The following CTNND2 variants were observed in gnomAD, a reference collection of about 807,000 sequenced individuals.
CTNND2 encodes the protein catenin delta-2.
In CTNND2, 22 loss-of-function variants were observed where a neutral mutation model predicts 144.4. The ratio of observed to expected loss-of-function variants is 0.15; its 90% CI spans 0.11 to 0.22. CTNND2 has a LOEUF of 0.22. Ranked by LOEUF, CTNND2 falls within the 10% of genes least tolerant of loss-of-function variation. CTNND2 has a pLI of 1.00. For synonymous variants in CTNND2, 751 were observed against 695.6 expected, an observed-to-expected ratio of 1.08 and a Z score of -1.25; for missense variants, 1,353 against 1,618.8, an observed-to-expected ratio of 0.84 and a Z score of 2.82.
intron 1 of CTNND2, among the ~76,000 whole-genome samples, chr5:11,771,958 T>C (rs10053350): frequency 0.095 from 14,510 of 152,170 alleles, 1,865 homozygotes; most frequent in African/African-American, 0.29. Flanking sequence ...TGTTAGGTAC[T>C]AGGATTTTCT....
intron 2 of CTNND2, among the ~76,000 whole-genome samples, chr5:11,660,501 C>G (rs1181467152): frequency 6.6e-6 from 1 of 152,044 alleles, no homozygotes; most frequent in Non-Finnish European, 1.5e-5. Context: ...CAGTAGATGC[C>G]TAAAAATACG....
intron 3 of CTNND2, among the ~76,000 whole-genome samples, chr5:11,525,346 T>C (rs1275677352): frequency 2.0e-5 from 3 of 152,324 alleles, no homozygotes; most frequent in African/African-American, 7.2e-5. Flanking sequence ...TTCAACTTCC[T>C]GGCTGCACAA....
At chr5:11,745,511 G>T (rs1788262308) in intron 1 of CTNND2, among the ~76,000 whole-genome samples, 1 of 152,100 alleles carries the variant, frequency 6.6e-6, no homozygotes, top group Admixed American at 6.5e-5. Flanking sequence ...CCCAAGATTG[G>T]ATGTGCAAGT....
At chr5:11,233,305 T>G (rs1284801253) in intron 10 of CTNND2, among the ~76,000 whole-genome samples, 1 of 152,132 alleles carries the variant, frequency 6.6e-6, no homozygotes, top group African/African-American at 2.4e-5. Context: ...GAAAAAAAAT[T>G]GATGTTCTTG....
chr5:11,526,746 C>T (rs1294059766), intron 3 of CTNND2, among the ~76,000 whole-genome samples: 2 of 152,200 alleles, frequency 1.3e-5, no homozygotes, highest in Admixed American at 1.3e-4. Flanking sequence ...AGCCATTCCA[C>T]TCCTAGGTAC....
intron 1 of CTNND2, among the ~76,000 whole-genome samples, chr5:11,901,610 T>C (rs1737891634): frequency 6.6e-6 from 1 of 152,170 alleles, no homozygotes; most frequent in Non-Finnish European, 1.5e-5. Flanking sequence ...GTTATACAAC[T>C]ACACAAACGT....
intron 9 of CTNND2, among the ~76,000 whole-genome samples, chr5:11,250,128 G>A (rs1329083126): frequency 6.6e-6 from 1 of 152,068 alleles, no homozygotes; most frequent in African/African-American, 2.4e-5. Flanking sequence ...TATAAAATGT[G>A]GAGAATATTT....
At chr5:11,554,518 A>G (rs1317998842) in intron 3 of CTNND2, among the ~76,000 whole-genome samples, 1 of 7,950 alleles carries the variant, frequency 1.3e-4, no homozygotes, top group African/African-American at 5.2e-4. Context: ...TTTTCTCTAT[A>G]TCTCAATGTT....
intron 18 of CTNND2, among the ~76,000 whole-genome samples, chr5:10,995,447 C>T (rs1367678130): frequency 1.3e-5 from 2 of 152,152 alleles, no homozygotes; most frequent in African/African-American, 2.4e-5. Flanking sequence ...AGGAAGTCCT[C>T]GTGACGGGGA....
intron 3 of CTNND2, among the ~76,000 whole-genome samples, chr5:11,475,458 T>C (rs1248897087): frequency 1.3e-5 from 2 of 152,212 alleles, no homozygotes; most frequent in Non-Finnish European, 2.9e-5. Context: ...ATGTACCTAA[T>C]TTGAGTGTGC....
intron 1 of CTNND2, among the ~76,000 whole-genome samples, chr5:11,812,184 T>C (rs1792370697): frequency 6.6e-6 from 1 of 152,190 alleles, no homozygotes; most frequent in Non-Finnish European, 1.5e-5. Flanking sequence ...ACAGATGTCC[T>C]GTTGTGCGGG....
At chr5:11,220,363 C>T (rs1306929113) in intron 10 of CTNND2, among the ~76,000 whole-genome samples, 1 of 151,990 alleles carries the variant, frequency 6.6e-6, no homozygotes, top group South Asian at 2.1e-4. Flanking sequence ...GAAGGGAGTG[C>T]CAGGCAGTCG....
chr5:11,215,136 C>G (rs1669597789), intron 10 of CTNND2, among the ~76,000 whole-genome samples: 1 of 152,178 alleles, frequency 6.6e-6, no homozygotes, highest in African/African-American at 2.4e-5. Flanking sequence ...CTTTGAACTT[C>G]TGCAATATGT....
intron 2 of CTNND2, among the ~76,000 whole-genome samples, chr5:11,576,148 A>AGTTTT (rs925058716): frequency 5.3e-5 from 8 of 152,102 alleles, no homozygotes; most frequent in African/African-American, 1.7e-4. Flanking sequence ...ATACCACTCC[A>AGTTTT]GTTTTGGCCA....
At chr5:11,163,010 A>AT (rs1316837727) in intron 11 of CTNND2, among the ~76,000 whole-genome samples, 2 of 152,002 alleles carry the variant, frequency 1.3e-5, no homozygotes, top group Non-Finnish European at 2.9e-5. Flanking sequence ...TGGAAAATAA[A>AT]TTTTTTCCTC....
At chr5:11,264,410 A>T (rs1248645589) in intron 9 of CTNND2, among the ~76,000 whole-genome samples, 1 of 152,212 alleles carries the variant, frequency 6.6e-6, no homozygotes, top group Non-Finnish European at 1.5e-5. Flanking sequence ...GGCCCATGGG[A>T]TACAGTTTGC....
At chr5:11,599,578 T>C (rs1581588324) in intron 2 of CTNND2, among the ~76,000 whole-genome samples, 2 of 152,262 alleles carry the variant, frequency 1.3e-5, no homozygotes, top group African/African-American at 4.8e-5. Flanking sequence ...GGCAAAGGAT[T>C]TGGGTTTTTT....
chr5:11,307,035 G>C (rs1750299106), intron 9 of CTNND2, among the ~76,000 whole-genome samples: 1 of 152,084 alleles, frequency 6.6e-6, no homozygotes, highest in South Asian at 2.1e-4. Context: ...CTGTCTTTCA[G>C]AGTGGCCCCC....
chr5:11,240,993 AAC>A (rs767355859), intron 9 of CTNND2, among the ~76,000 whole-genome samples: 6 of 136,830 alleles, frequency 4.4e-5, no homozygotes, highest in African/African-American at 1.7e-4. Flanking sequence ...ACACACACCC[AAC>A]ACACACACCA....
Sources: gnomAD v4.1 joint callset for allele counts (sites outside exome capture counted in the v4.1 genomes callset) on GRCh38, gnomAD v4.1.1 for gene constraint, MANE v1.5 for transcripts, NCBI Gene and HGNC (gene_info 2026-07-23, HGNC 2026-07-21) for gene names.